Variants in CLDN20 observed in about 807,000 individuals in gnomAD.
The protein encoded by CLDN20 is claudin 20.
For missense variants in CLDN20, 258 were observed against 267.9 expected, an observed-to-expected ratio of 0.96 and a Z score of 0.26; for synonymous variants, 104 against 103.6, an observed-to-expected ratio of 1.00 and a Z score of -0.03.
intron 1 of CLDN20, among the ~76,000 whole-genome samples, chr6:155,266,462 A>C (rs912719): frequency 0.66 from 99,706 of 151,892 alleles, 33,479 homozygotes; most frequent in East Asian, 0.98. Flanking sequence ...TGTGACACCC[A>C]CAAAGCCAGC....
intron 1 of CLDN20, among the ~76,000 whole-genome samples, chr6:155,273,402 G>C (rs1382007884): frequency 5.9e-5 from 9 of 152,192 alleles, no homozygotes; most frequent in Non-Finnish European, 1.5e-5. Flanking sequence ...ATGTCTTAGA[G>C]AATCAATGTT....
chr6:155,265,738 T>TATATA (rs1562389445), intron 1 of CLDN20, among the ~76,000 whole-genome samples: 1 of 140,548 alleles, frequency 7.1e-6, no homozygotes, highest in African/African-American at 2.7e-5. Context: ...AAATATATAT[T>TATATA]ATATATAATA....
intron 1 of CLDN20, among the ~76,000 whole-genome samples, chr6:155,265,743 ATAATATATAATATATATT>A (rs1376699374): frequency 1.4e-5 from 2 of 145,818 alleles, no homozygotes; most frequent in Non-Finnish European, 3.0e-5. Context: ...TATATTATAT[ATAATATATAATATATATT>A]TAATATATAA....
At chr6:155,264,865 TAAC>T (rs1354625980) in intron 1 of CLDN20, among the ~76,000 whole-genome samples, 3 of 152,300 alleles carry the variant, frequency 2.0e-5, no homozygotes, top group African/African-American at 4.8e-5. Context: ...CTATTAGTAA[TAAC>T]AACAACAAGA....
intron 1 of CLDN20, among the ~76,000 whole-genome samples, chr6:155,269,618 G>A (rs190573707): frequency 5.5e-4 from 84 of 152,124 alleles, no homozygotes; most frequent in African/African-American, 1.7e-3. Context: ...CACCACGCCC[G>A]GCCAGTTTTC....
intron 1 of CLDN20, among the ~76,000 whole-genome samples, chr6:155,275,159 G>T (rs763967046): frequency 4.6e-5 from 7 of 152,186 alleles, no homozygotes; most frequent in Admixed American, 1.3e-4. Flanking sequence ...CCAGGAGGTG[G>T]AGCTTGCAGT....
chr6:155,270,278 C>A (rs140398608), intron 1 of CLDN20, among the ~76,000 whole-genome samples: 2 of 152,280 alleles, frequency 1.3e-5, no homozygotes, highest in African/African-American at 2.4e-5. Flanking sequence ...CAGACAGAAA[C>A]ACAACTTGGG....
intron 1 of CLDN20, among the ~76,000 whole-genome samples, chr6:155,268,140 C>A (rs1357553797): frequency 6.6e-6 from 1 of 152,132 alleles, no homozygotes; most frequent in Non-Finnish European, 1.5e-5. Flanking sequence ...AATATCTCTA[C>A]TCATCTAGTT....
At position 155,276,228 on chromosome 6, in the gene CLDN20, C is replaced by T; in HGVS notation, c.509C>T (p.Ser170Phe). The T allele has an allele frequency of 6.2e-7, 1 of 1,614,140 alleles. No individual in the cohort carries two copies. The highest frequency in any genetic ancestry group is 8.5e-7 in the Non-Finnish European group (1 of 1,180,030). Residue 170 changes from serine to phenylalanine, a missense_variant, in exon 2 of 2, where the codon TCT (serine) becomes TTT (phenylalanine). By Grantham distance (155) the Ser-to-Phe change is radical. Coordinates refer to ENST00000367165, the MANE Select transcript of CLDN20 (RefSeq NM_001001346.3). ...GGAGCTATCTATATCGGATTCATTT[C>T]TGCAATGCTGTTGTTTATCTCTGGC... ...PGGAIYIGFI[S>F]AMLLFISGMI...
At chr6:155,270,501 C>T (rs7776133) in intron 1 of CLDN20, among the ~76,000 whole-genome samples, 12,973 of 152,168 alleles carry the variant, frequency 0.085, 649 homozygotes, top group Non-Finnish European at 0.099. Context: ...CTATAGCTAA[C>T]GAAAGTTGCT....
intron 1 of CLDN20, among the ~76,000 whole-genome samples, chr6:155,271,729 T>C (rs148573296): frequency 6.6e-6 from 1 of 152,318 alleles, no homozygotes; most frequent in African/African-American, 2.4e-5. Flanking sequence ...GGACATAAAA[T>C]AATACATTAT....
intron 1 of CLDN20, among the ~76,000 whole-genome samples, chr6:155,273,165 ATT>A (rs1373716046): frequency 6.6e-6 from 1 of 152,066 alleles, no homozygotes; most frequent in Non-Finnish European, 1.5e-5. Context: ...CATGTGCTTG[ATT>A]TTTTTTCTAG....
chr6:155,266,001 C>T (rs7749920), intron 1 of CLDN20, among the ~76,000 whole-genome samples: 4,846 of 151,796 alleles, frequency 0.032, 263 homozygotes, highest in African/African-American at 0.11. Flanking sequence ...TTTTTCTGCC[C>T]ACTTATATTC....
At chr6:155,274,760 A>C (rs1265637773) in intron 1 of CLDN20, among the ~76,000 whole-genome samples, 2 of 152,268 alleles carry the variant, frequency 1.3e-5, no homozygotes, top group Admixed American at 6.5e-5. Flanking sequence ...TCCTCCTCAA[A>C]TGGTTCACTT....
chr6:155,275,094 C>T (rs943045917), intron 1 of CLDN20, among the ~76,000 whole-genome samples: 56 of 151,384 alleles, frequency 3.7e-4, no homozygotes, highest in Non-Finnish European at 6.9e-4. Flanking sequence ...GGCATGGTGG[C>T]GGGCGCCTGT....
chr6:155,271,996 C>T (rs527610112), intron 1 of CLDN20, among the ~76,000 whole-genome samples: 74 of 152,308 alleles, frequency 4.9e-4, no homozygotes, highest in African/African-American at 1.7e-3. Flanking sequence ...TCTTCTAACA[C>T]CATCAGCAGT....
intron 1 of CLDN20, among the ~76,000 whole-genome samples, chr6:155,267,026 G>C (rs1784682189): frequency 6.8e-6 from 1 of 147,316 alleles, no homozygotes; most frequent in Non-Finnish European, 1.5e-5. Flanking sequence ...CTGGAGTGCA[G>C]TGCAGTGGCA....
chr6:155,276,341 G>C lies in CLDN20; in HGVS notation c.622G>C (p.Glu208Gln). Residue 208 changes from glutamate (E) to glutamine (Q), a missense_variant, in exon 2 of 2, where the codon GAG becomes CAG. Glu to Gln is a conservative substitution (Grantham distance 29, BLOSUM62 2). Transcript: ENST00000367165. ...GCAGCCTATCTCTAACACACAGCTC[G>C]AGAACAATTCCACACACAATCTGAA... ...TQQPISNTQLENNSTHNLKDY... is the reference protein window; with the variant it reads ...TQQPISNTQLQNNSTHNLKDY... 1 of 1,613,316 alleles carries C rather than the reference G, an allele frequency of 6.2e-7. No individual in the cohort carries two copies. The highest frequency in any genetic ancestry group is 1.1e-5 in the South Asian group (1 of 91,050).
intron 1 of CLDN20, among the ~76,000 whole-genome samples, chr6:155,274,756 T>C (rs1785090021): frequency 6.6e-6 from 1 of 152,232 alleles, no homozygotes; most frequent in South Asian, 2.1e-4. Flanking sequence ...TCCTTCCTCC[T>C]CAAATGGTTC....
Sources: gnomAD v4.1 joint callset for allele counts (sites outside exome capture counted in the v4.1 genomes callset) on GRCh38, gnomAD v4.1.1 for gene constraint, MANE v1.5 for transcripts, NCBI Gene and HGNC (gene_info 2026-07-23, HGNC 2026-07-21) for gene names.